The following KANK4 variants were observed in gnomAD, a reference collection of about 807,000 sequenced individuals.
KANK4 encodes the protein KN motif and ankyrin repeat domains 4.
A neutral mutation model predicts 80.8 loss-of-function variants in KANK4; 50 were observed. That is an observed-to-expected ratio of 0.62 (90% CI 0.49 to 0.78). The LOEUF (loss-of-function observed/expected upper bound fraction) is 0.78, where lower values mean the gene tolerates loss of function less well. Among genes scored for constraint, KANK4 ranks in the 30% least tolerant of loss-of-function variants. KANK4 has a pLI of 0.00. For missense variants in KANK4, 1,196 were observed against 1,240.1 expected (o/e 0.96, Z 0.53); for synonymous variants, 465 against 506.9 (o/e 0.92, Z 1.11).
chr1:62,315,383 C>A (rs559879312), intron 1 of KANK4, among the ~76,000 whole-genome samples: 23 of 152,278 alleles, frequency 1.5e-4, no homozygotes, highest in African/African-American at 5.3e-4. Flanking sequence ...AGTCACTTAA[C>A]CTCTCTGAGC....
In KANK4 at chr1:62,279,198, G is replaced by GCGCACACA. The variant is rs1282615199; in HGVS notation, c.16+2350_16+2351insTGTGTGCG. Among the ~76,000 whole-genome samples, 292 of 146,222 alleles carry GCGCACACA rather than the reference G, an allele frequency of 2.0e-3. 1 individual carries two copies. Among genetic ancestry groups the GCGCACACA allele is most frequent in the African/African-American group, 2.7e-3 (108 of 39,324 alleles). On this transcript the variant is annotated intron_variant, in intron 2 of 9. Coordinates refer to ENST00000371153, the MANE Select transcript of KANK4 (RefSeq NM_181712.5). ...TAGGTGCTTTCCTAAGCTAGCGCGC[G>GCGCACACA]CACACACACACACACACACACACAC...
chr1:62,248,371 T>C (rs1458684580), intron 8 of KANK4, among the ~76,000 whole-genome samples: 1 of 152,098 alleles, frequency 6.6e-6, no homozygotes, highest in African/African-American at 2.4e-5. Context: ...TCTTGGTTTT[T>C]CTTTTCTTTT....
rs568740710 is a variant in KANK4, at chr1:62,266,973, G to C, written c.2232-154C>G. On this transcript the variant is annotated intron_variant, in intron 5 of 9. Coordinates refer to ENST00000371153, the MANE Select transcript of KANK4 (RefSeq NM_181712.5). Reference sequence around the variant, plus strand: ...AGGGTGAGCTTCAAAAATCTGGAGTGACCATGGTGTGTGCCGATGTGACTT... The same window carrying C: ...AGGGTGAGCTTCAAAAATCTGGAGTCACCATGGTGTGTGCCGATGTGACTT... Among the ~76,000 whole-genome samples the C allele has an allele frequency of 2.6e-5, 4 of 152,322 alleles. No homozygotes were observed. The East Asian group carries it at 7.7e-4, about 29-fold the overall frequency.
intron 1 of KANK4, among the ~76,000 whole-genome samples, chr1:62,308,707 A>G (rs996361697): frequency 4.6e-5 from 7 of 152,124 alleles, no homozygotes; most frequent in African/African-American, 2.4e-5. Context: ...CACCACCCCC[A>G]AAGTCAAGCC....
At chr1:62,247,897 G>A (rs1017025956) in intron 8 of KANK4, among the ~76,000 whole-genome samples, 5 of 151,922 alleles carry the variant, frequency 3.3e-5, no homozygotes, top group South Asian at 2.1e-4. Flanking sequence ...CCCCAGGCAC[G>A]GGAATCCTAA....
Position 62,263,230 on chromosome 1 carries a change from A to G in KANK4, c.2401T>C (p.Tyr801His), listed in dbSNP as rs145623004. 1.2e-3 allele frequency: 1,862 copies of G among 1,613,918 alleles called. 10 individuals carry two copies. Among genetic ancestry groups the G allele is most frequent in the Admixed American group, 1.6e-3 (97 of 59,974 alleles). The change falls in exon 7 of 10, where the codon TAC (tyrosine) becomes CAC (histidine). Residue 801 changes from tyrosine (Y) to histidine (H), a missense_variant. Coordinates refer to ENST00000371153, the MANE Select transcript of KANK4 (RefSeq NM_181712.5). ...KSSSPAVVAS[Y>H]LHEVQPHSPH... ...GAGTGAGGCTGGACCTCGTGGAGGT[A>G]GGAGGCCACCACGGCGGGGCTAGAC...
In KANK4 at chr1:62,273,652, C is replaced by T. The variant is rs777511877; in HGVS notation, c.1452G>A (p.Glu484=). The T allele has an allele frequency of 3.1e-6, 5 of 1,614,150 alleles. No homozygotes were observed. Among genetic ancestry groups the T allele is most frequent in the South Asian group, 1.1e-5 (1 of 91,080 alleles). ...TATGTACAGAGGAGGTAAGGACCTG[C>T]TCGGGTCCCTGTGGCAGTGACAGCT... is the stretch of plus-strand genomic sequence containing the variant. ...LPQLSLPQGP[E]QVLTSSVHSF... The change falls in exon 3 of 10, where the codon GAG becomes GAA. Residue 484 remains glutamate (E), a synonymous_variant. Coordinates refer to ENST00000371153, the MANE Select transcript of KANK4 (RefSeq NM_181712.5).
At chr1:62,278,405 TTTTTG>T (rs1672373890) in intron 2 of KANK4, among the ~76,000 whole-genome samples, 1 of 121,258 alleles carries the variant, frequency 8.2e-6, no homozygotes, top group South Asian at 2.8e-4. Context: ...TTCTTTTTTT[TTTTTG>T]AGATGGAATT....
chr1:62,300,173 A>G (rs1428228850), intron 1 of KANK4, among the ~76,000 whole-genome samples: 1 of 152,126 alleles, frequency 6.6e-6, no homozygotes. Context: ...AGAGAAAGAG[A>G]CCACAATGCT....
At chr1:62,276,311 A>G (rs898625292) in intron 2 of KANK4, among the ~76,000 whole-genome samples, 1 of 152,182 alleles carries the variant, frequency 6.6e-6, no homozygotes, top group African/African-American at 2.4e-5. Context: ...TATGCTAAAC[A>G]GGCTCTGAAA....
chr1:62,305,866 C>T (rs913669309), intron 1 of KANK4, among the ~76,000 whole-genome samples: 1 of 152,126 alleles, frequency 6.6e-6, no homozygotes, highest in African/African-American at 2.4e-5. Context: ...TCAGTAGAAC[C>T]TTTGAAGGAA....
At chr1:62,282,133 T>C (rs147836581) in intron 1 of KANK4, among the ~76,000 whole-genome samples, 1 of 152,248 alleles carries the variant, frequency 6.6e-6, no homozygotes, top group African/African-American at 2.4e-5. Flanking sequence ...AGAGATGACA[T>C]AATTGCAAGT....
At chr1:62,303,926 T>G (rs1293223404) in intron 1 of KANK4, among the ~76,000 whole-genome samples, 1 of 152,002 alleles carries the variant, frequency 6.6e-6, no homozygotes, top group Non-Finnish European at 1.5e-5. Context: ...CAGGCTGAAG[T>G]GCAATGGTGC....
chr1:62,278,879 C>T (rs1009100798), intron 2 of KANK4, among the ~76,000 whole-genome samples: 1 of 152,128 alleles, frequency 6.6e-6, no homozygotes, highest in African/African-American at 2.4e-5. Flanking sequence ...ATTATAAGGA[C>T]AGGCCAAACA....
chr1:62,285,992 A>G (rs897377409), intron 1 of KANK4, among the ~76,000 whole-genome samples: 1 of 152,368 alleles, frequency 6.6e-6, no homozygotes, highest in South Asian at 2.1e-4. Context: ...AGATTCTGCC[A>G]ACTGAGTTCT....
intron 1 of KANK4, among the ~76,000 whole-genome samples, chr1:62,309,780 G>C (rs1300819844): frequency 2.6e-5 from 4 of 152,180 alleles, no homozygotes; most frequent in Non-Finnish European, 5.9e-5. Flanking sequence ...TGGACTAACA[G>C]GTTCTCCTTC....
chr1:62,276,008 A>G (rs1200837390), intron 2 of KANK4, among the ~76,000 whole-genome samples: 3 of 151,924 alleles, frequency 2.0e-5, no homozygotes, highest in Non-Finnish European at 4.4e-5. Context: ...AGGGCCAATT[A>G]ATGTCAAAAG....
chr1:62,303,882 C>CT (rs917603552), intron 1 of KANK4, among the ~76,000 whole-genome samples: 5 of 149,586 alleles, frequency 3.3e-5, no homozygotes, highest in South Asian at 2.1e-4. Flanking sequence ...TTCTTTTTTT[C>CT]TTTTTTTTTG....
chr1:62,298,991 T>C (rs12760895), intron 1 of KANK4, among the ~76,000 whole-genome samples: 38,161 of 152,004 alleles, frequency 0.25, 5,023 homozygotes, highest in Middle Eastern at 0.36. Flanking sequence ...CTTAGTAACT[T>C]GGTCATAGTC....
Sources: gnomAD v4.1 joint callset for allele counts (sites outside exome capture counted in the v4.1 genomes callset) on GRCh38, gnomAD v4.1.1 for gene constraint, MANE v1.5 for transcripts, NCBI Gene and HGNC (gene_info 2026-07-23, HGNC 2026-07-21) for gene names.